The following SLCO1A2 variants were observed in gnomAD, a reference collection of about 807,000 sequenced individuals.
SLCO1A2 encodes OATP-1.
In SLCO1A2, 67 loss-of-function variants were observed where a neutral mutation model predicts 69.0. The observed-to-expected ratio is 0.97, with a 90% confidence interval of 0.80 to 1.19. SLCO1A2 has a LOEUF of 1.19. Ranked by LOEUF, SLCO1A2 falls within the 50% of genes most tolerant of loss-of-function variation. SLCO1A2 has a pLI of 0.00. For synonymous variants in SLCO1A2, 260 were observed against 265.9 expected (o/e 0.98, Z 0.22); for missense variants, 787 against 793.7 (o/e 0.99, Z 0.10).
At chr12:21,355,673 A>C (rs1298376123) in intron 2 of SLCO1A2, among the ~76,000 whole-genome samples, 1 of 152,188 alleles carries the variant, frequency 6.6e-6, no homozygotes, top group Admixed American at 6.6e-5. Context: ...CAACATAAAC[A>C]CTTAGGATTC....
At chr12:21,401,771 T>C (rs1342398821) in intron 1 of SLCO1A2, among the ~76,000 whole-genome samples, 3 of 151,914 alleles carry the variant, frequency 2.0e-5, no homozygotes, top group African/African-American at 4.8e-5. Context: ...GTGATATTAA[T>C]TGGATTACAA....
intron 1 of SLCO1A2, among the ~76,000 whole-genome samples, chr12:21,383,698 T>C (rs1940724416): frequency 6.6e-6 from 1 of 152,178 alleles, no homozygotes. Context: ...CTTATTTTTA[T>C]ATTTGATATG....
upstream of SLCO1A2, among the ~76,000 whole-genome samples, chr12:21,397,608 A>T (rs1397070122): frequency 6.6e-6 from 1 of 152,108 alleles, no homozygotes; most frequent in African/African-American, 2.4e-5. Flanking sequence ...TCCTAAATTG[A>T]CCACATACTG....
In SLCO1A2 at chr12:21,342,749, A is replaced by G. The variant is rs147584110; in HGVS notation, c.-62-8040T>C. Among the ~76,000 whole-genome samples, 45 of 152,238 alleles carry G rather than the reference A, an allele frequency of 3.0e-4. 1 individual carries two copies. The East Asian group carries it at 7.9e-3, about 27-fold the overall frequency. ...AAAATTAAACATTTTAGATAGAATC[A>G]TCTATTCATAAAAAATAAAACCTTT... On this transcript the variant is annotated intron_variant, in intron 2 of 15. Coordinates refer to the SLCO1A2 transcript ENST00000307378.
chr12:21,376,366 T>A, intron 1 of SLCO1A2: 1 of 363,368 alleles, frequency 2.8e-6, no homozygotes. Context: ...TCAAGAAAAG[T>A]AAGTATTTTA....
At chr12:21,290,907 T>C (rs1002152111) in intron 12 of SLCO1A2, among the ~76,000 whole-genome samples, 1 of 152,148 alleles carries the variant, frequency 6.6e-6, no homozygotes, top group Non-Finnish European at 1.5e-5. Context: ...TTGTATCATA[T>C]AAACAGTATT....
At chr12:21,294,881 A>G (rs1180514506) in intron 10 of SLCO1A2, 1 of 152,174 alleles carries the variant, frequency 6.6e-6, no homozygotes, top group Non-Finnish European at 1.5e-5. Context: ...CATATGTAAA[A>G]TTATATTACT....
chr12:21,275,855 T>A (rs1467603721), intron 12 of SLCO1A2, among the ~76,000 whole-genome samples: 2 of 151,348 alleles, frequency 1.3e-5, no homozygotes, highest in African/African-American at 4.9e-5. Flanking sequence ...GGCAGGAGAA[T>A]CACTTGAACC....
Position 21,331,712 on chromosome 12 carries a change from G to A in SLCO1A2, c.60+2876C>T, listed in dbSNP as rs913815783. Among the ~76,000 whole-genome samples, 31 of 152,054 alleles carry A rather than the reference G, an allele frequency of 2.0e-4. No individual in the cohort carries two copies. The East Asian group carries it at 3.9e-3, about 19-fold the overall frequency. ...CCATCTTACAGGCAGGAAAAAAAAAGCTCAAACTTGCCTTCCCTGTTGGAA... is the reference window on the plus strand; with the variant it reads ...CCATCTTACAGGCAGGAAAAAAAAAACTCAAACTTGCCTTCCCTGTTGGAA... On this transcript the variant is annotated intron_variant, in intron 2 of 14. Coordinates refer to ENST00000683939, the MANE Select transcript of SLCO1A2 (RefSeq NM_001386879.1).
At chr12:21,299,453 TATG>T (rs1948232185) in intron 8 of SLCO1A2, among the ~76,000 whole-genome samples, 1 of 152,028 alleles carries the variant, frequency 6.6e-6, no homozygotes, top group African/African-American at 2.4e-5. Flanking sequence ...TCATGTATCT[TATG>T]ATCATTTTTA....
chr12:21,299,237 T>C (rs545056963), intron 8 of SLCO1A2, among the ~76,000 whole-genome samples: 56 of 152,246 alleles, frequency 3.7e-4, no homozygotes, highest in African/African-American at 1.3e-3. Context: ...TAAAATTTCC[T>C]AGGTGATTCC....
Position 21,296,423 on chromosome 12 carries a change from T to C in SLCO1A2, c.1076-631A>G, listed in dbSNP as rs77692141. 6.1e-3 allele frequency among the ~76,000 whole-genome samples: 930 copies of C among 152,084 alleles called. 9 individuals are homozygous for C. Among genetic ancestry groups the C allele is most frequent in the African/African-American group, 0.021 (871 of 41,520 alleles). Reference sequence around the variant, plus strand: ...ACCTGGCTAATTTAAAAACAAAAATTGCAGAGACAAAGTCTTGCTATGTTG... The same window carrying C: ...ACCTGGCTAATTTAAAAACAAAAATCGCAGAGACAAAGTCTTGCTATGTTG... On this transcript the variant is annotated intron_variant, in intron 9 of 14. Coordinates refer to ENST00000683939, the MANE Select transcript of SLCO1A2 (RefSeq NM_001386879.1).
intron 3 of SLCO1A2, among the ~76,000 whole-genome samples, chr12:21,317,081 A>G (rs578026433): frequency 1.3e-5 from 2 of 152,288 alleles, no homozygotes; most frequent in Non-Finnish European, 2.9e-5. Context: ...GCACCCATAT[A>G]GTTTTTTTTA....
At chr12:21,362,066 G>A (rs1011522100) in intron 2 of SLCO1A2, among the ~76,000 whole-genome samples, 1 of 152,110 alleles carries the variant, frequency 6.6e-6, no homozygotes, top group Non-Finnish European at 1.5e-5. Context: ...TACTCCTCGA[G>A]AAGAGAAACT....
intron 4 of SLCO1A2, among the ~76,000 whole-genome samples, chr12:21,314,061 TG>T (rs1393140503): frequency 6.6e-6 from 1 of 151,960 alleles, no homozygotes; most frequent in Non-Finnish European, 1.5e-5. Flanking sequence ...CACTTGCCTC[TG>T]GAAAGCAGTA....
At chr12:21,312,849 G>A (rs577656560) in intron 4 of SLCO1A2, among the ~76,000 whole-genome samples, 1 of 152,046 alleles carries the variant, frequency 6.6e-6, no homozygotes, top group African/African-American at 2.4e-5. Flanking sequence ...TGAGGCAGGC[G>A]CATTGCTTGA....
chr12:21,266,922 T>C lies in SLCO1A2; in HGVS notation c.*2626A>G, dbSNP rs561835031. 6.6e-6 allele frequency: 1 copy of C among 152,264 alleles called. No homozygotes were observed. The highest frequency in any genetic ancestry group is 6.5e-5 in the Admixed American group (1 of 15,280). The allele number at this position is 152,264 out of a possible 1,614,324, so 9.4% of individuals were successfully genotyped here. A position where few individuals can be genotyped will look rare whatever the true frequency, so the allele number is the denominator to read the frequency against. On this transcript the variant is annotated 3_prime_UTR_variant, in exon 15 of 15. Coordinates refer to ENST00000683939, the MANE Select transcript of SLCO1A2 (RefSeq NM_001386879.1). ...ACTATTTCTAGTTTCATTAACTTTA[T>C]GTATTAAGTAAGATCCCCACAATAT...
chr12:21,307,413 C>T (rs1361506017), intron 4 of SLCO1A2, among the ~76,000 whole-genome samples: 1 of 152,138 alleles, frequency 6.6e-6, no homozygotes, highest in Non-Finnish European at 1.5e-5. Context: ...CTAAAGTTTG[C>T]TCAAAAGAAG....
intron 2 of SLCO1A2, among the ~76,000 whole-genome samples, chr12:21,355,639 A>G (rs965827116): frequency 6.6e-6 from 1 of 152,190 alleles, no homozygotes; most frequent in Non-Finnish European, 1.5e-5. Flanking sequence ...CAATGCAACC[A>G]AATCTTTTCT....
Sources: gnomAD v4.1 joint callset for allele counts (sites outside exome capture counted in the v4.1 genomes callset) on GRCh38, gnomAD v4.1.1 for gene constraint, MANE v1.5 for transcripts, NCBI Gene and HGNC (gene_info 2026-07-23, HGNC 2026-07-21) for gene names.